Variants in ANKHD1 observed in about 807,000 individuals in gnomAD.
ANKHD1 encodes the protein ankyrin repeat and KH domain-containing protein 1.
ANKHD1 carries 31 observed loss-of-function variants against 230.5 expected under a neutral mutation model. The ratio of observed to expected loss-of-function variants is 0.13; its 90% CI spans 0.10 to 0.18. The LOEUF is 0.18. Ranked by LOEUF, ANKHD1 falls within the 10% of genes least tolerant of loss-of-function variation. The pLI is 1.00. For missense variants in ANKHD1, 2,256 were observed against 3,071.3 expected, an observed-to-expected ratio of 0.73 and a Z score of 6.27; for synonymous variants, 1,074 against 1,117.6, an observed-to-expected ratio of 0.96 and a Z score of 0.78.
At chr5:140,410,851 A>G (rs186748719) in intron 1 of ANKHD1, among the ~76,000 whole-genome samples, 2 of 152,316 alleles carry the variant, frequency 1.3e-5, no homozygotes, top group Admixed American at 1.3e-4. Context: ...GGTATTATCT[A>G]CATTTTTATA....
chr5:140,428,030 G>A (rs1418768582), intron 1 of ANKHD1, among the ~76,000 whole-genome samples: 2 of 150,558 alleles, frequency 1.3e-5, no homozygotes, highest in East Asian at 2.0e-4. Flanking sequence ...CCCACATCCC[G>A]GACGATGGGC....
At position 140,529,203 on chromosome 5, in the gene ANKHD1, T is replaced by C. The variant is rs760832604; in HGVS notation, c.6257T>C (p.Val2086Ala). The change falls in exon 29 of 34, where the codon GTG becomes GCG. Residue 2086 changes from valine to alanine, a missense_variant. Physicochemically the swap from Val to Ala is moderately conservative, Grantham distance 64. Coordinates refer to ENST00000360839, the MANE Select transcript of ANKHD1 (RefSeq NM_017747.3). ...NTQEEAQPSSVSDLSPMSMPF... is the reference protein window; with the variant it reads ...NTQEEAQPSSASDLSPMSMPF... ...CAAGAGGAGGCACAGCCATCCAGTGTGTCTGATTTAAGTCCTATGTCAATG... is the reference window on the plus strand; with the variant it reads ...CAAGAGGAGGCACAGCCATCCAGTGCGTCTGATTTAAGTCCTATGTCAATG... 2.5e-6 allele frequency: 4 copies of C among 1,614,232 alleles called. No individual in the cohort carries two copies. The East Asian group carries it at 8.9e-5, about 36-fold the overall frequency.
In ANKHD1 at chr5:140,458,819, C is replaced by T; in HGVS notation, c.1437C>T (p.Ala479=). The T allele has an allele frequency of 3.7e-6, 6 of 1,612,222 alleles. No individual in the cohort carries two copies. Among genetic ancestry groups the T allele is most frequent in the Non-Finnish European group, 5.1e-6 (6 of 1,179,430 alleles). The part of the protein sequence containing the change: ...DEGYTPLMEA[A]REGHEEMVAL... Reference sequence around the variant, plus strand: ...GATACACTCCCTTGATGGAAGCTGCCCGGGAAGGACATGAAGAAATGGTGG... The same window carrying T: ...GATACACTCCCTTGATGGAAGCTGCTCGGGAAGGACATGAAGAAATGGTGG... The change falls in exon 8 of 34, where the codon GCC becomes GCT. Residue 479 remains alanine (A), a synonymous_variant. Transcript: ENST00000360839.
In ANKHD1 at chr5:140,454,308, A is replaced by T. The variant is rs563658971; in HGVS notation, c.1243-4317A>T. Among the ~76,000 whole-genome samples the T allele has an allele frequency of 7.2e-5, 11 of 152,306 alleles. No individual in the cohort carries two copies. The South Asian group carries it at 2.3e-3, about 32-fold the overall frequency. On this transcript the variant is annotated intron_variant, in intron 7 of 33. Coordinates refer to ENST00000360839, the MANE Select transcript of ANKHD1 (RefSeq NM_017747.3). ...TCAACATTAGACAGATCAACAAGAC[A>T]GAAAGTTAACAAGGGATATCCAGGA...
At chr5:140,480,823 A>G (rs1751239500) in intron 10 of ANKHD1, among the ~76,000 whole-genome samples, 1 of 152,120 alleles carries the variant, frequency 6.6e-6, no homozygotes, top group African/African-American at 2.4e-5. Context: ...TTATGTGTAC[A>G]GTGGCAAGCA....
chr5:140,428,419 C>T (rs1381358140), intron 1 of ANKHD1, among the ~76,000 whole-genome samples: 1 of 152,230 alleles, frequency 6.6e-6, no homozygotes, highest in African/African-American at 2.4e-5. Context: ...GGATCACTCG[C>T]GGTTAGGAGC....
intron 6 of ANKHD1, among the ~76,000 whole-genome samples, chr5:140,446,878 A>G (rs2126935541): frequency 6.6e-6 from 1 of 152,120 alleles, no homozygotes; most frequent in African/African-American, 2.4e-5. Context: ...TTTTCATCTC[A>G]ATAAATATTC....
chr5:140,447,889 A>G (rs80252674), intron 6 of ANKHD1, among the ~76,000 whole-genome samples: 1 of 152,334 alleles, frequency 6.6e-6, no homozygotes, highest in East Asian at 1.9e-4. Flanking sequence ...TACCACTTAC[A>G]TCTCATTGGC....
At position 140,525,900 on chromosome 5, in the gene ANKHD1, AAC is replaced by A. The variant is rs1419396768; in HGVS notation, c.4493-93_4493-92del. ...CTGGTGAAAGGAAAATATGATGTAA[AAC>A]ACTGAATTATTATGAATTATCAAAT... On this transcript the variant is annotated intron_variant, in intron 25 of 33. Coordinates refer to ENST00000360839, the MANE Select transcript of ANKHD1 (RefSeq NM_017747.3). 19 of 1,400,390 alleles carry A rather than the reference AAC, an allele frequency of 1.4e-5. No individual in the cohort carries two copies. The East Asian group carries it at 4.8e-4, about 36-fold the overall frequency. 86.7% of individuals were successfully genotyped at this position (1,400,390 alleles called of 1,614,324 possible). A position where few individuals can be genotyped will look rare whatever the true frequency, so the allele number is the denominator to read the frequency against.
intron 15 of ANKHD1, 144 bp downstream of exon 15, chr5:140,497,422 G>C: frequency 3.6e-6 from 5 of 1,384,650 alleles, no homozygotes; most frequent in Non-Finnish European, 4.7e-6. Context: ...TTTTGGAAGT[G>C]AATTAACTAT....
rs1773753585 is a variant in ANKHD1, at chr5:140,440,250, A to G, written c.749A>G (p.Tyr250Cys). ...SLLCLACSAG[Y>C]YELAQVLLAM... The stretch of plus-strand genomic sequence containing the variant: ...CTGTGTTTGGCTTGTTCAGCAGGGT[A>G]TTATGAATTAGCACAAGTAAGCAGA... The change falls in exon 4 of 34, where the codon TAT becomes TGT. Residue 250 changes from tyrosine to cysteine, a missense_variant. Physicochemically the swap from Tyr to Cys is radical, Grantham distance 194. Transcript: ENST00000360839. 1.2e-6 allele frequency: 2 copies of G among 1,610,166 alleles called. No individual in the cohort carries two copies. Among genetic ancestry groups the G allele is most frequent in the South Asian group, 2.2e-5 (2 of 90,386 alleles).
intron 10 of ANKHD1, chr5:140,464,998 G>A (rs1775985325): frequency 3.5e-6 from 1 of 286,756 alleles, no homozygotes. Context: ...CTACTAGTTT[G>A]TTTCTTCCTT....
At chr5:140,515,614 C>T (rs1420991293) in intron 24 of ANKHD1, among the ~76,000 whole-genome samples, 1 of 152,182 alleles carries the variant, frequency 6.6e-6, no homozygotes, top group African/African-American at 2.4e-5. Flanking sequence ...ACTGCCTCCT[C>T]AAGTGGGTCC....
chr5:140,473,176 G>A (rs111873721), intron 10 of ANKHD1, among the ~76,000 whole-genome samples: 2,463 of 151,802 alleles, frequency 0.016, 75 homozygotes, highest in African/African-American at 0.056. Flanking sequence ...TTACAGGCGC[G>A]TGCCACCGTG....
At chr5:140,489,363 G>A (rs1207995841) in intron 14 of ANKHD1, among the ~76,000 whole-genome samples, 1 of 151,964 alleles carries the variant, frequency 6.6e-6, no homozygotes, top group Non-Finnish European at 1.5e-5. Context: ...GGTTGCCTGT[G>A]CCTGTAGTCC....
intron 14 of ANKHD1, among the ~76,000 whole-genome samples, chr5:140,490,290 A>G (rs1275948861): frequency 6.6e-6 from 1 of 152,116 alleles, no homozygotes; most frequent in Non-Finnish European, 1.5e-5. Flanking sequence ...AAATCTTTTT[A>G]TTATTCATAT....
At chr5:140,470,627 T>C (rs1281321039) in intron 10 of ANKHD1, among the ~76,000 whole-genome samples, 171 of 147,060 alleles carry the variant, frequency 1.2e-3, no homozygotes, top group African/African-American at 4.2e-3. Flanking sequence ...TTTTTTTTTT[T>C]TTTTTTTCTT....
intron 3 of ANKHD1, among the ~76,000 whole-genome samples, chr5:140,439,140 A>G (rs1773664209): frequency 6.6e-6 from 1 of 152,156 alleles, no homozygotes. Flanking sequence ...GTACACATTA[A>G]AGTTTGAGAC....
In ANKHD1 at chr5:140,526,212, A is replaced by G; in HGVS notation, c.4709A>G (p.Gln1570Arg). 2 of 1,614,208 alleles carry G rather than the reference A, an allele frequency of 1.2e-6. No homozygotes were observed. Among genetic ancestry groups the G allele is most frequent in the Non-Finnish European group, 1.7e-6 (2 of 1,180,032 alleles). ...ILPEQHMSLA[Q>R]QKADKNKING... Reference sequence around the variant, plus strand: ...CCAGAACAACATATGTCTTTAGCCCAACAAAAGGCAGATAAAAATAAAATA... The same window carrying G: ...CCAGAACAACATATGTCTTTAGCCCGACAAAAGGCAGATAAAAATAAAATA... Residue 1570 changes from glutamine to arginine, a missense_variant, in exon 26 of 34, where the codon CAA becomes CGA. Transcript: ENST00000360839.
Sources: allele counts gnomAD v4.1 joint callset (sites outside exome capture counted in the v4.1 genomes callset), GRCh38; gene constraint gnomAD v4.1.1; transcripts MANE v1.5; gene names NCBI Gene and HGNC (gene_info 2026-07-23, HGNC 2026-07-21).